Variants in PRSS55 observed in about 807,000 individuals in gnomAD.
The protein encoded by PRSS55 is probable serine protease UNQ9391/PRO34284.
A neutral mutation model predicts 23.6 loss-of-function variants in PRSS55; 41 were observed. The observed-to-expected ratio is 1.74, with a 90% CI of 1.35 to 2.26. The LOEUF is 2.26. PRSS55 is among the 30% of genes most tolerant of loss of function. The pLI is 0.00. For missense variants in PRSS55, 669 were observed against 439.1 expected (o/e 1.52, Z -4.68); for synonymous variants, 262 against 175.5 (o/e 1.49, Z -3.90).
At chr8:10,546,039 G>C (rs1239374053) in intron 4 of PRSS55, among the ~76,000 whole-genome samples, 1 of 152,116 alleles carries the variant, frequency 6.6e-6, no homozygotes, top group African/African-American at 2.4e-5. Flanking sequence ...GATGGGGAGA[G>C]GAAGACAGCC....
downstream of PRSS55, chr8:10,540,177 C>G (rs1812607844): frequency 6.6e-6 from 1 of 152,362 alleles, no homozygotes; most frequent in South Asian, 2.1e-4. Flanking sequence ...CTGCAGCATG[C>G]AACTGCACGG....
intron 2 of PRSS55, among the ~76,000 whole-genome samples, chr8:10,530,066 C>T (rs1230972631): frequency 6.6e-6 from 1 of 152,244 alleles, no homozygotes; most frequent in Non-Finnish European, 1.5e-5. Flanking sequence ...CCTGGGCCAC[C>T]TGACCCCCTA....
intron 4 of PRSS55, among the ~76,000 whole-genome samples, chr8:10,550,431 G>T (rs1433671753): frequency 6.6e-6 from 1 of 152,152 alleles, no homozygotes; most frequent in African/African-American, 2.4e-5. Context: ...TCCTGGCTCT[G>T]GTGTAGCATC....
intron 4 of PRSS55, among the ~76,000 whole-genome samples, chr8:10,546,680 C>T (rs1812826239): frequency 6.6e-6 from 1 of 152,000 alleles, no homozygotes; most frequent in Non-Finnish European, 1.5e-5. Context: ...TCTTGACAAA[C>T]AAAACAAACA....
intron 4 of PRSS55, among the ~76,000 whole-genome samples, chr8:10,551,108 C>A: frequency 6.6e-6 from 1 of 152,282 alleles, no homozygotes; most frequent in Middle Eastern, 3.4e-3. Flanking sequence ...TTTCCAAGAC[C>A]CCTTCCTTCT....
chr8:10,553,977 C>A lies in PRSS55; in HGVS notation c.776C>A (p.Thr259Asn), dbSNP rs930340243. The change falls in exon 5 of 5, where the codon ACC becomes AAC. Residue 259 changes from threonine to asparagine, a missense_variant. Coordinates refer to the PRSS55 transcript ENST00000522210. ...TTTCCCACTTTACAAAGAATGAACA[C>A]CGGAAGCTCTCAAACAAAGCCGCCT... 4 of 1,531,030 alleles carry A rather than the reference C, an allele frequency of 2.6e-6. No individual in the cohort carries two copies. In the African/African-American group the frequency reaches 5.5e-5, roughly 21 times the overall value. The allele number at this position is 1,531,030 out of a possible 1,614,324, so 94.8% of individuals were successfully genotyped here.
intron 4 of PRSS55, among the ~76,000 whole-genome samples, chr8:10,548,776 C>G (rs541282631): frequency 1.3e-5 from 2 of 152,288 alleles, no homozygotes; most frequent in South Asian, 2.1e-4. Context: ...CCCGTGCCCC[C>G]CTCCAGGCAG....
downstream of PRSS55, among the ~76,000 whole-genome samples, chr8:10,541,873 C>A (rs1035513034): frequency 2.0e-5 from 3 of 152,164 alleles, no homozygotes; most frequent in Admixed American, 6.5e-5. Context: ...AACTCAGCCT[C>A]TCTAATAGCT....
At chr8:10,530,649 C>G (rs982308671) in intron 2 of PRSS55, among the ~76,000 whole-genome samples, 5 of 152,120 alleles carry the variant, frequency 3.3e-5, no homozygotes, top group Non-Finnish European at 5.9e-5. Context: ...AATTCTGGCT[C>G]TAGCACTTGT....
intron 4 of PRSS55, among the ~76,000 whole-genome samples, chr8:10,551,448 G>A (rs901294009): frequency 6.6e-6 from 1 of 152,202 alleles, no homozygotes; most frequent in Admixed American, 6.5e-5. Context: ...TCGACCTCTG[G>A]TGGGGACGGC....
intron 4 of PRSS55, among the ~76,000 whole-genome samples, chr8:10,553,219 A>G (rs1428909622): frequency 2.0e-5 from 3 of 152,194 alleles, no homozygotes; most frequent in Admixed American, 6.5e-5. Flanking sequence ...ACCTGCTGCC[A>G]TGTAAGACAT....
chr8:10,546,257 G>C (rs1192458077), intron 4 of PRSS55, among the ~76,000 whole-genome samples: 1 of 152,126 alleles, frequency 6.6e-6, no homozygotes, highest in Non-Finnish European at 1.5e-5. Context: ...AGGCTGTAAC[G>C]ATGCAGAAAA....
At chr8:10,541,625 C>G (rs1176298688), downstream of PRSS55, 3 of 151,526 alleles carry the variant, frequency 2.0e-5, no homozygotes, top group African/African-American at 7.4e-5. Context: ...ATCTATATCT[C>G]ATCTCTGTAT....
At chr8:10,549,085 A>C (rs973640179) in intron 4 of PRSS55, among the ~76,000 whole-genome samples, 1 of 152,154 alleles carries the variant, frequency 6.6e-6, no homozygotes, top group African/African-American at 2.4e-5. Flanking sequence ...AGCATTTACT[A>C]CCTGACCCTT....
At chr8:10,526,097 A>T (rs1427958174) in intron 1 of PRSS55, among the ~76,000 whole-genome samples, 1 of 152,038 alleles carries the variant, frequency 6.6e-6, no homozygotes, top group Non-Finnish European at 1.5e-5. Context: ...AGGGATGCCT[A>T]GCTCAGTCAG....
intron 4 of PRSS55, among the ~76,000 whole-genome samples, chr8:10,533,905 C>A (rs569901953): frequency 1.3e-5 from 2 of 152,208 alleles, no homozygotes; most frequent in South Asian, 4.2e-4. Context: ...TGGTAGTTTT[C>A]CCTGATAGGC....
exon 5 of PRSS55, chr8:10,554,063 T>A: frequency 6.9e-7 from 1 of 1,442,254 alleles, no homozygotes; most frequent in East Asian, 2.5e-5. Context: ...ATGGAGCCAT[T>A]TTTGGGGCAG....
chr8:10,528,291 C>T (rs989304243), intron 1 of PRSS55, among the ~76,000 whole-genome samples: 32 of 152,236 alleles, frequency 2.1e-4, no homozygotes, highest in Non-Finnish European at 3.8e-4. Flanking sequence ...TTCTCACTCC[C>T]GTATTTTTTT....
At chr8:10,530,947 G>A (rs1812231613) in intron 2 of PRSS55, among the ~76,000 whole-genome samples, 1 of 152,148 alleles carries the variant, frequency 6.6e-6, no homozygotes, top group Non-Finnish European at 1.5e-5. Flanking sequence ...TTATCTATCT[G>A]AAGGTCAGTT....
Sources: allele counts gnomAD v4.1 joint callset (sites outside exome capture counted in the v4.1 genomes callset), GRCh38; gene constraint gnomAD v4.1.1; transcripts MANE v1.5; gene names NCBI Gene and HGNC (gene_info 2026-07-23, HGNC 2026-07-21).